Variants in PCDHGA7 observed in about 807,000 individuals in gnomAD.
PCDHGA7 encodes the protein protocadherin gamma subfamily A, 7.
In PCDHGA7, 44 loss-of-function variants were observed where a neutral mutation model predicts 58.3. That is an observed-to-expected ratio of 0.75 (90% CI 0.59 to 0.97). PCDHGA7 has a LOEUF of 0.97. Ranked by LOEUF, PCDHGA7 falls within the 50% of genes least tolerant of loss-of-function variation. The pLI is 0.00. For missense variants in PCDHGA7, 1,266 were observed against 1,188.7 expected, an observed-to-expected ratio of 1.06 and a Z score of -0.96; for synonymous variants, 516 against 504.2, an observed-to-expected ratio of 1.02 and a Z score of -0.31.
chr5:141,458,512 T>TG (rs2098947554), intron 1 of PCDHGA7, among the ~76,000 whole-genome samples: 2 of 150,084 alleles, frequency 1.3e-5, no homozygotes, highest in African/African-American at 5.0e-5. Context: ...TTTGACACTT[T>TG]GTTTTTTTTT....
intron 1 of PCDHGA7, among the ~76,000 whole-genome samples, chr5:141,482,899 T>C (rs1238389686): frequency 1.3e-5 from 2 of 152,076 alleles, no homozygotes; most frequent in Non-Finnish European, 2.9e-5. Context: ...TGGTGAAACC[T>C]CATCTCTATT....
At chr5:141,478,329 C>T (rs1295950117) in intron 1 of PCDHGA7, 1 of 1,613,982 alleles carries the variant, frequency 6.2e-7, no homozygotes, top group African/African-American at 1.3e-5. Context: ...TACCGAACAC[C>T]AGGGCCCTCC....
intron 1 of PCDHGA7, chr5:141,409,268 A>G (rs753457286): frequency 1.5e-5 from 24 of 1,613,896 alleles, no homozygotes; most frequent in Non-Finnish European, 2.0e-5. Context: ...CTCTGATCAG[A>G]TTTTGGAGAA....
chr5:141,408,442 G>A lies in PCDHGA7; in HGVS notation c.2424+23119G>A, dbSNP rs774397781. On this transcript the variant is annotated intron_variant, in intron 1 of 3. Transcript: ENST00000518325. ...AGCTGCACTTCAGCGTAGACGCGGA[G>A]AGCGGGGACTTACTTGTGAAGAACC... is the stretch of plus-strand genomic sequence containing the variant. 8.7e-6 allele frequency: 14 copies of A among 1,614,080 alleles called. 1 individual carries two copies. The South Asian group carries it at 1.5e-4, about 18-fold the overall frequency.
intron 1 of PCDHGA7, chr5:141,409,656 G>A: frequency 6.2e-7 from 1 of 1,613,618 alleles, no homozygotes; most frequent in South Asian, 1.1e-5. Context: ...GGGCTCAATG[G>A]CCACATCTCC....
At chr5:141,503,229 T>C (rs986982708) in intron 2 of PCDHGA7, among the ~76,000 whole-genome samples, 1 of 152,080 alleles carries the variant, frequency 6.6e-6, no homozygotes, top group African/African-American at 2.4e-5. Context: ...ACCGTAAAGA[T>C]GGACAGTTTC....
rs375487349 is a variant in PCDHGA7, at chr5:141,383,260, G to T, written c.361G>T (p.Val121Leu). Residue 121 changes from valine to leucine, a missense_variant, in exon 1 of 4, where the codon GTG (valine) becomes TTG (leucine). Val to Leu is a conservative substitution (Grantham distance 32). Transcript: ENST00000518325. ...TAAAATGAATCTTTACCCTATAGAC[G>T]TGGAAATAATAGATATTAATGACAA... is the stretch of plus-strand genomic sequence containing the variant. ...EDKMNLYPID[V>L]EIIDINDNVP... 2 of 1,613,782 alleles carry T rather than the reference G, an allele frequency of 1.2e-6. No homozygotes were observed. The highest frequency in any genetic ancestry group is 1.7e-6 in the Non-Finnish European group (2 of 1,179,874).
At chr5:141,403,365 T>C in intron 1 of PCDHGA7, 1 of 1,614,024 alleles carries the variant, frequency 6.2e-7, no homozygotes, top group Non-Finnish European at 8.5e-7. Flanking sequence ...GCCGAAAGTC[T>C]GGAAGTAAAA....
intron 1 of PCDHGA7, among the ~76,000 whole-genome samples, chr5:141,462,442 A>C (rs890167032): frequency 1.3e-5 from 2 of 152,150 alleles, no homozygotes; most frequent in African/African-American, 4.8e-5. Context: ...GCTTACACAC[A>C]ACTGTGTAAC....
chr5:141,400,198 G>A (rs559051247), intron 1 of PCDHGA7: 4 of 1,613,926 alleles, frequency 2.5e-6, no homozygotes, highest in Non-Finnish European at 2.5e-6. Flanking sequence ...CCTAGTGGTG[G>A]CCTTGGCCTT....
chr5:141,494,677 TGCCCCCTCTTA>T, intron 1 of PCDHGA7, 119 bp from the exon 2 acceptor site: 5 of 1,552,906 alleles, frequency 3.2e-6, no homozygotes, highest in Non-Finnish European at 4.4e-6. Flanking sequence ...AGTCCACCCC[TGCCCCCTCTTA>T]GTCCGTTTTC....
At chr5:141,449,280 C>G (rs934214922) in intron 1 of PCDHGA7, among the ~76,000 whole-genome samples, 1 of 151,944 alleles carries the variant, frequency 6.6e-6, no homozygotes, top group East Asian at 1.9e-4. Context: ...CTCCTTCACC[C>G]GGATGCACCG....
chr5:141,394,534 G>T (rs751746485), intron 1 of PCDHGA7: 2 of 1,614,074 alleles, frequency 1.2e-6, no homozygotes, highest in Non-Finnish European at 1.7e-6. Flanking sequence ...GGTTCCACTG[G>T]CGTGGAGCTG....
Position 141,485,835 on chromosome 5 carries a change from C to T in PCDHGA7, c.2425-8972C>T, listed in dbSNP as rs747722740. On this transcript the variant is annotated intron_variant, in intron 1 of 3. Transcript: ENST00000518325. This position sits in a 1 kb window ranked among gnomAD's most constrained non-coding sequence, Gnocchi z 5.7. ...ACTGCTGTCGATGGAGGGAACCCGC[C>T]GAGATCTGGCACCGCAGAGCTCCGG... 6.2e-7 allele frequency: 1 copy of T among 1,614,190 alleles called. No homozygotes were observed. Among genetic ancestry groups the T allele is most frequent in the Non-Finnish European group, 8.5e-7 (1 of 1,180,048 alleles).
chr5:141,478,376 C>T, intron 1 of PCDHGA7: 4 of 1,613,672 alleles, frequency 2.5e-6, no homozygotes, highest in Non-Finnish European at 3.4e-6. Flanking sequence ...CCTGATGTCG[C>T]CGCACCTTTA....
chr5:141,432,991 C>T lies in PCDHGA7; in HGVS notation c.2424+47668C>T. ...CGGCGTCGCACTTTGTGGGCGTGGA[C>T]GGGGTGCAGGCTTTCCTGCAGACCT... is the stretch of plus-strand genomic sequence containing the variant. On this transcript the variant is annotated intron_variant, in intron 1 of 3. Coordinates refer to ENST00000518325, the MANE Select transcript of PCDHGA7 (RefSeq NM_018920.4). This position sits in a 1 kb window ranked among gnomAD's most constrained non-coding sequence, Gnocchi z 6.0. 6.2e-7 allele frequency: 1 copy of T among 1,614,200 alleles called. No individual in the cohort carries two copies. The highest frequency in any genetic ancestry group is 8.5e-7 in the Non-Finnish European group (1 of 1,180,030).
chr5:141,489,844 C>T lies in PCDHGA7; in HGVS notation c.2425-4963C>T, dbSNP rs1004902910. 4.3e-6 allele frequency: 7 copies of T among 1,614,148 alleles called. No homozygotes were observed. The African/African-American group carries it at 9.3e-5, about 22-fold the overall frequency. ...GCTGGTGCTAGAGCAGCAGCTGGAT[C>T]GTGAAGCCCAGGCAAGACATCAGCT... On this transcript the variant is annotated intron_variant, in intron 1 of 3. Transcript: ENST00000518325. The surrounding 1 kb of genome is among the most constrained non-coding windows in gnomAD (Gnocchi z 4.5).
chr5:141,389,874 G>A, intron 1 of PCDHGA7: 1 of 1,614,072 alleles, frequency 6.2e-7, no homozygotes, highest in Non-Finnish European at 8.5e-7. Context: ...GGTCTTCGCC[G>A]ACAGCTTGCA....
intron 1 of PCDHGA7, chr5:141,400,298 A>G (rs2093998591): frequency 6.2e-7 from 1 of 1,613,974 alleles, no homozygotes; most frequent in Non-Finnish European, 8.5e-7. Context: ...AGCTGCTTCC[A>G]ACCTGGTCTC....
Sources: allele counts gnomAD v4.1 joint callset (sites outside exome capture counted in the v4.1 genomes callset), GRCh38; gene constraint gnomAD v4.1.1; non-coding constraint Gnocchi (gnomAD v3.1); transcripts MANE v1.5; gene names NCBI Gene and HGNC (gene_info 2026-07-23, HGNC 2026-07-21).